KIF26B: variants seen among roughly 807,000 people sequenced by gnomAD.
KIF26B encodes the protein kinesin family member 26B.
A neutral mutation model predicts 151.2 loss-of-function variants in KIF26B; 63 were observed. The ratio of observed to expected loss-of-function variants is 0.42; its 90% CI spans 0.34 to 0.51. The LOEUF (loss-of-function observed/expected upper bound fraction) is 0.51, where lower values mean the gene tolerates loss of function less well. Among genes scored for constraint, KIF26B ranks in the 20% least tolerant of loss-of-function variants. The probability of loss-of-function intolerance (pLI) is 0.07; values close to 1 mark genes in which losing one functional copy is unlikely to be tolerated. For missense variants in KIF26B, 2,813 were observed against 2,913.6 expected, an observed-to-expected ratio of 0.97 and a Z score of 0.79; for synonymous variants, 1,357 against 1,262.1, an observed-to-expected ratio of 1.08 and a Z score of -1.59.
At chr1:245,541,368 C>A (rs1558206592) in intron 5 of KIF26B, among the ~76,000 whole-genome samples, 2 of 152,224 alleles carry the variant, frequency 1.3e-5, no homozygotes, top group South Asian at 2.1e-4. Context: ...GAAATCCTGA[C>A]TTCTGCTTTG....
chr1:245,408,994 A>G (rs1421324045), intron 3 of KIF26B, among the ~76,000 whole-genome samples: 1 of 152,192 alleles, frequency 6.6e-6, no homozygotes, highest in Non-Finnish European at 1.5e-5. Flanking sequence ...CTATGAGCCC[A>G]CCTGTTTCAC....
At chr1:245,219,297 CGCA>C (rs1328934444) in intron 2 of KIF26B, among the ~76,000 whole-genome samples, 1 of 151,844 alleles carries the variant, frequency 6.6e-6, no homozygotes, top group African/African-American at 2.4e-5. Context: ...CGCCACCACG[CGCA>C]GCTAATTTTT....
chr1:245,346,099 A>ATT (rs61212124), intron 2 of KIF26B, among the ~76,000 whole-genome samples: 58 of 150,156 alleles, frequency 3.9e-4, no homozygotes, highest in African/African-American at 1.4e-3. Flanking sequence ...CACCTGGCTA[A>ATT]TTTTTTTTTG....
intron 2 of KIF26B, among the ~76,000 whole-genome samples, chr1:245,199,487 G>GTT (rs1231649291): frequency 2.8e-5 from 4 of 143,816 alleles, no homozygotes; most frequent in Non-Finnish European, 4.6e-5. Flanking sequence ...CATATCTTTG[G>GTT]TTTTTTTTTT....
chr1:245,481,469 G>A (rs1375230650), intron 4 of KIF26B, among the ~76,000 whole-genome samples: 1 of 151,878 alleles, frequency 6.6e-6, no homozygotes, highest in African/African-American at 2.4e-5. Flanking sequence ...GGAGCATGGT[G>A]GTTGGGAACT....
chr1:245,442,178 G>T (rs1407791643), intron 4 of KIF26B, among the ~76,000 whole-genome samples: 1 of 152,280 alleles, frequency 6.6e-6, no homozygotes, highest in Non-Finnish European at 1.5e-5. Flanking sequence ...CATACCCAGG[G>T]CATGCGGCTG....
rs1375872654 is a variant in KIF26B, at chr1:245,564,695, A to G, written c.1350+23745A>G. Among the ~76,000 whole-genome samples the G allele has an allele frequency of 6.6e-6, 1 of 152,214 alleles. No individual in the cohort carries two copies. The highest frequency in any genetic ancestry group is 1.5e-5 in the Non-Finnish European group (1 of 68,034). ...TTCCGGAACAACATTATAAAGCAGCAGCCCCCAGCCTGTAGGCACCAGGGA... is the reference window on the plus strand; with the variant it reads ...TTCCGGAACAACATTATAAAGCAGCGGCCCCCAGCCTGTAGGCACCAGGGA... On this transcript the variant is annotated intron_variant, in intron 5 of 14. Transcript: ENST00000407071. This position sits in a 1 kb window ranked among gnomAD's most constrained non-coding sequence, Gnocchi z 4.6.
In KIF26B at chr1:245,707,339, A is replaced by G. The variant is rs549146874; in HGVS notation, c.*4733A>G. 1 of 152,176 alleles carries G rather than the reference A, an allele frequency of 6.6e-6. No homozygotes were observed. The allele number at this position is 152,176 out of a possible 1,614,324, so 9.4% of individuals were successfully genotyped here. A position where few individuals can be genotyped will look rare whatever the true frequency, so the allele number is the denominator to read the frequency against. ...AGGCGAGTACTGAAATACCACACTC[A>G]CACATCTATTCCATGCGTACCTAGA... On this transcript the variant is annotated 3_prime_UTR_variant, in exon 15 of 15. Coordinates refer to ENST00000407071, the MANE Select transcript of KIF26B (RefSeq NM_018012.4).
intron 3 of KIF26B, among the ~76,000 whole-genome samples, chr1:245,410,101 A>G (rs764889853): frequency 6.6e-5 from 10 of 152,168 alleles, no homozygotes; most frequent in Non-Finnish European, 1.5e-4. Flanking sequence ...TTAACCAAAG[A>G]GTTGGGTTTG....
At position 245,221,377 on chromosome 1, in the gene KIF26B, T is replaced by TAAAA. The variant is rs74163026; in HGVS notation, c.465+64713_465+64716dup. Among the ~76,000 whole-genome samples the TAAAA allele has an allele frequency of 3.8e-5, 5 of 132,030 alleles. No homozygotes were observed. In the East Asian group the frequency reaches 6.7e-4, roughly 18 times the overall value. The allele number at this position is 132,030 out of a possible 152,430, so 86.6% of individuals were successfully genotyped here. A position where few individuals can be genotyped will look rare whatever the true frequency, so the allele number is the denominator to read the frequency against. On this transcript the variant is annotated intron_variant, in intron 2 of 14. Coordinates refer to ENST00000407071, the MANE Select transcript of KIF26B (RefSeq NM_018012.4). ...AGTGGCCTTTCTCTGAAGTTTGAAG[T>TAAAA]AAAAAAAAAAAAAAAAAAAAAATTC... is the stretch of plus-strand genomic sequence containing the variant.
chr1:245,162,204 G>T (rs1308033821), intron 2 of KIF26B, among the ~76,000 whole-genome samples: 1 of 152,098 alleles, frequency 6.6e-6, no homozygotes, highest in Non-Finnish European at 1.5e-5. Context: ...TGGTCATTTT[G>T]CAGGAATACA....
chr1:245,667,769 C>T lies in KIF26B; in HGVS notation c.2259-16464C>T, dbSNP rs373244648. 3.3e-5 allele frequency among the ~76,000 whole-genome samples: 5 copies of T among 152,166 alleles called. No individual in the cohort carries two copies. The East Asian group carries it at 7.7e-4, about 23-fold the overall frequency. ...ACTCACCAAGTCCCTTCGCAGCACTCCTGAAAAGCTCTGAGATGTTTTGAA... is the reference window on the plus strand; with the variant it reads ...ACTCACCAAGTCCCTTCGCAGCACTTCTGAAAAGCTCTGAGATGTTTTGAA... On this transcript the variant is annotated intron_variant, in intron 10 of 14. Transcript: ENST00000407071. This position sits in a 1 kb window ranked among gnomAD's most constrained non-coding sequence, Gnocchi z 4.3.
chr1:245,246,493 C>T (rs1319061187), intron 2 of KIF26B, among the ~76,000 whole-genome samples: 1 of 152,188 alleles, frequency 6.6e-6, no homozygotes, highest in African/African-American at 2.4e-5. Flanking sequence ...GAGTCCCAGT[C>T]TCCCCACCAC....
At position 245,367,287 on chromosome 1, in the gene KIF26B, G is replaced by A. The variant is rs201112929; in HGVS notation, c.919G>A (p.Val307Met). The A allele has an allele frequency of 1.2e-4, 185 of 1,599,572 alleles. No individual in the cohort carries two copies. The East Asian group carries it at 1.6e-3, about 14-fold the overall frequency. Residue 307 changes from valine (V) to methionine (M), a missense_variant, in exon 3 of 15, where the codon GTG becomes ATG. By Grantham distance (21) the Val-to-Met change is conservative. Around this residue, in one of 3 missense-constraint regions of KIF26B, gnomAD observed 676 missense variants for 688.1 expected, o/e 0.98. Coordinates refer to ENST00000407071, the MANE Select transcript of KIF26B (RefSeq NM_018012.4). The surrounding 1 kb of genome is among the most constrained non-coding windows in gnomAD (Gnocchi z 4.2). ...AAGCAATGGGAACATCCTCAATTCG[G>A]TGGCCATCCAGGCTCACCAGTACCT... Reference protein sequence around the residue: ...SPSNGNILNSVAIQAHQYLDG... With the variant: ...SPSNGNILNSMAIQAHQYLDG...
At chr1:245,273,584 G>C (rs528120564) in intron 2 of KIF26B, among the ~76,000 whole-genome samples, 2 of 151,978 alleles carry the variant, frequency 1.3e-5, no homozygotes, top group Non-Finnish European at 2.9e-5. Context: ...GTATCTTCCT[G>C]GTAAATTCAC....
At chr1:245,452,777 G>A (rs752275934) in intron 4 of KIF26B, among the ~76,000 whole-genome samples, 8 of 151,856 alleles carry the variant, frequency 5.3e-5, no homozygotes, top group Non-Finnish European at 7.4e-5. Flanking sequence ...CAAATCCTTC[G>A]TCCATTATCT....
At chr1:245,195,869 C>A (rs1204601536) in intron 2 of KIF26B, among the ~76,000 whole-genome samples, 1 of 152,146 alleles carries the variant, frequency 6.6e-6, no homozygotes, top group African/African-American at 2.4e-5. Flanking sequence ...TTTGAGGCGA[C>A]CGGCAATCAT....
intron 5 of KIF26B, among the ~76,000 whole-genome samples, chr1:245,547,349 T>A (rs965040088): frequency 1.3e-5 from 2 of 151,906 alleles, no homozygotes; most frequent in South Asian, 4.2e-4. Flanking sequence ...CTTTGGGAGA[T>A]TGAGGCGGGT....
chr1:245,530,943 T>A (rs1344325794), intron 4 of KIF26B, among the ~76,000 whole-genome samples: 1 of 152,182 alleles, frequency 6.6e-6, no homozygotes, highest in African/African-American at 2.4e-5. Context: ...ACACTGAGAT[T>A]CGTTTTAAGC....
Sources: allele counts gnomAD v4.1 joint callset (sites outside exome capture counted in the v4.1 genomes callset), GRCh38; gene constraint gnomAD v4.1.1; regional missense constraint gnomAD v4.1.1; non-coding constraint Gnocchi (gnomAD v3.1); transcripts MANE v1.5; gene names NCBI Gene and HGNC (gene_info 2026-07-23, HGNC 2026-07-21).